IFT172: variants seen among roughly 807,000 people sequenced by gnomAD.
IFT172 encodes intraflagellar transport protein 172 homolog.
In IFT172, 164 loss-of-function variants were observed where a neutral mutation model predicts 248.9. The ratio of observed to expected loss-of-function variants is 0.66; its 90% CI spans 0.58 to 0.75. The LOEUF is 0.75. Ranked by LOEUF, IFT172 falls within the 30% of genes least tolerant of loss-of-function variation. The pLI is 0.00. For missense variants in IFT172, 1,950 were observed against 2,192.4 expected (o/e 0.89, Z 2.21); for synonymous variants, 729 against 791.6 (o/e 0.92, Z 1.33).
chr2:27,453,637 C>A lies in IFT172; in HGVS notation c.3814G>T (p.Gly1272Trp), dbSNP rs1048883218. The change falls in exon 34 of 48, where the codon GGG (glycine) becomes TGG (tryptophan). Residue 1272 changes from glycine to tryptophan, a missense_variant. Transcript: ENST00000260570. ...GGACCTCTGGCCTCATACCTGGCCC[C>A]CTTCTTAGTAGCTTCCCGCTCATAT... ...EEYEREATKK[G>W]ARGVEGFVEQ... 2 of 1,611,310 alleles carry A rather than the reference C, an allele frequency of 1.2e-6. No homozygotes were observed. Among genetic ancestry groups the A allele is most frequent in the African/African-American group, 1.3e-5 (1 of 74,792 alleles).
intron 9 of IFT172, among the ~76,000 whole-genome samples, 183 bp downstream of exon 9, chr2:27,479,843 C>A (rs936684553): frequency 6.6e-6 from 1 of 152,150 alleles, no homozygotes; most frequent in Non-Finnish European, 1.5e-5. Context: ...TTTTTTGTCC[C>A]TTTTGTGACC....
At chr2:27,453,109 A>T in intron 35 of IFT172, 1 of 537,122 alleles carries the variant, frequency 1.9e-6, no homozygotes, top group South Asian at 1.6e-5. Context: ...TCTACTTTAA[A>T]TCATGCACTT....
At chr2:27,484,946 T>C in intron 3 of IFT172, 72 bp downstream of exon 3, 1 of 879,248 alleles carries the variant, frequency 1.1e-6, no homozygotes, top group Non-Finnish European at 1.9e-6. Flanking sequence ...GTATTTCCCC[T>C]CCCCAGTGAG....
Position 27,448,971 on chromosome 2 carries a change from T to C in IFT172, c.4372A>G (p.Ser1458Gly), listed in dbSNP as rs1390620197. 8 of 1,612,542 alleles carry C rather than the reference T, an allele frequency of 5.0e-6. No individual in the cohort carries two copies. Among genetic ancestry groups the C allele is most frequent in the Non-Finnish European group, 2.5e-6 (3 of 1,178,636 alleles). Residue 1458 changes from serine to glycine, a missense_variant, in exon 40 of 48, where the codon AGC becomes GGC. Ser to Gly is a moderately conservative substitution (Grantham distance 56). Coordinates refer to ENST00000260570, the MANE Select transcript of IFT172 (RefSeq NM_015662.3). ...LYATHLIREG[S>G]SAQALALYVQ... Reference sequence around the variant, plus strand: ...TACAGGGCCAATGCCTGGGCAGAGCTACCCTCCCGGATCAAGTGAGTTGCA... The same window carrying C: ...TACAGGGCCAATGCCTGGGCAGAGCCACCCTCCCGGATCAAGTGAGTTGCA...
intron 1 of IFT172, among the ~76,000 whole-genome samples, chr2:27,488,084 G>A (rs1558421420): frequency 2.0e-5 from 3 of 152,078 alleles, no homozygotes; most frequent in Non-Finnish European, 4.4e-5. Context: ...CTGGGCTCAG[G>A]AGATCCTCCC....
rs953899799 is a variant in IFT172, at chr2:27,459,526, G to A, written c.2643-4C>T. The A allele has an allele frequency of 3.1e-6, 5 of 1,613,828 alleles. No homozygotes were observed. Among genetic ancestry groups the A allele is most frequent in the African/African-American group, 1.3e-5 (1 of 74,920 alleles). On this transcript the variant is annotated splice_region_variant and splice_polypyrimidine_tract_variant and intron_variant, in intron 24 of 47. Transcript: ENST00000260570. ...CTCAATTGCCTTAATGGAGCACCTGGCAAAGTTGGGAAAGATATAAATATG... is the reference window on the plus strand; with the variant it reads ...CTCAATTGCCTTAATGGAGCACCTGACAAAGTTGGGAAAGATATAAATATG...
rs1377410856 is a variant in IFT172 at position 27,481,331 on chromosome 2, C to T, written c.571-71G>A. On this transcript the variant is annotated intron_variant, in intron 7 of 47. Transcript: ENST00000260570. ...CCGAGAAATTCCTCACTCTCAACAC[C>T]TGGTACATTCACTCTGACCATCATA... The T allele has an allele frequency of 5.4e-6, 6 of 1,120,322 alleles. No homozygotes were observed. In the African/African-American group the frequency reaches 9.3e-5, roughly 17 times the overall value. 69.4% of individuals were successfully genotyped at this position (1,120,322 alleles called of 1,614,324 possible). A position where few individuals can be genotyped will look rare whatever the true frequency, so the allele number is the denominator to read the frequency against.
rs558319800 is a variant in IFT172 at position 27,488,247 on chromosome 2, G to A, written c.39+1368C>T. On this transcript the variant is annotated intron_variant, in intron 1 of 47. Transcript: ENST00000260570. Reference sequence around the variant, plus strand: ...CGGCTCACTGCAACCTCCACCTCCCGGGTTCAAGCGATTCTCCTTCCTCAG... The same window carrying A: ...CGGCTCACTGCAACCTCCACCTCCCAGGTTCAAGCGATTCTCCTTCCTCAG... Among the ~76,000 whole-genome samples the A allele has an allele frequency of 4.6e-5, 7 of 152,088 alleles. No individual in the cohort carries two copies. In the Middle Eastern group the frequency reaches 0.01, roughly 222 times the overall value.
intron 7 of IFT172, 53 bp downstream of exon 7, chr2:27,483,236 C>A (rs1668512800): frequency 9.6e-7 from 1 of 1,045,738 alleles, no homozygotes. Context: ...ATGCTGGTCT[C>A]AAACTCCTGG....
rs748923336 is a variant in IFT172 at position 27,483,262 on chromosome 2, G to A, written c.570+27C>T. On this transcript the variant is annotated intron_variant, in intron 7 of 47. Transcript: ENST00000260570. The stretch of plus-strand genomic sequence containing the variant: ...AAACTCCTGGACTCAAGCAATCCAA[G>A]CCTCCCACAACATTCTTTATTCATA... 8.4e-6 allele frequency: 11 copies of A among 1,316,308 alleles called. No homozygotes were observed. In the African/African-American group the frequency reaches 1.3e-4, roughly 16 times the overall value. 81.5% of individuals were successfully genotyped at this position (1,316,308 alleles called of 1,614,324 possible). A position where few individuals can be genotyped will look rare whatever the true frequency, so the allele number is the denominator to read the frequency against.
At chr2:27,462,628 T>C (rs540312015) in intron 20 of IFT172, 73 bp downstream of exon 20, 25 of 1,363,292 alleles carry the variant, frequency 1.8e-5, no homozygotes, top group Non-Finnish European at 2.6e-5. Flanking sequence ...CTTTCCTCCC[T>C]TGAGTTTGTA....
At chr2:27,449,824 G>C in intron 36 of IFT172, 24 bp from the exon 37 acceptor site, 3 of 1,564,192 alleles carry the variant, frequency 1.9e-6, no homozygotes, top group Non-Finnish European at 2.6e-6. Context: ...AATCAGCGTG[G>C]AGACTTTCTC....
intron 35 of IFT172, 136 bp from the exon 36 acceptor site, chr2:27,450,232 C>A: frequency 3.1e-6 from 2 of 638,298 alleles, no homozygotes; most frequent in Non-Finnish European, 2.8e-6. Flanking sequence ...CTTGCACCCT[C>A]CTGGGCAAAA....
chr2:27,485,868 A>G lies in IFT172; in HGVS notation c.40-365T>C, dbSNP rs558873271. On this transcript the variant is annotated intron_variant, in intron 1 of 47. Transcript: ENST00000260570. ...TCAATTAATATTTTTTTAGCACCTT[A>G]TTGATCAAGGCACTTGGCCAGGGGC... Among the ~76,000 whole-genome samples, 420 of 152,338 alleles carry G rather than the reference A, an allele frequency of 2.8e-3. 3 individuals are homozygous for G. The highest frequency in any genetic ancestry group is 4.5e-3 in the Non-Finnish European group (309 of 68,026).
intron 7 of IFT172, among the ~76,000 whole-genome samples, chr2:27,482,673 CA>C (rs577310321): frequency 2.5e-3 from 376 of 152,306 alleles, no homozygotes; most frequent in Non-Finnish European, 4.2e-3. Flanking sequence ...TTCCCCTTTC[CA>C]GAGTAAACTA....
At position 27,449,008 on chromosome 2, in the gene IFT172, A is replaced by G. The variant is rs773183982; in HGVS notation, c.4335T>C (p.Tyr1445=). 6.2e-6 allele frequency: 10 copies of G among 1,606,760 alleles called. No homozygotes were observed. The highest frequency in any genetic ancestry group is 7.7e-6 in the Non-Finnish European group (9 of 1,173,376). ...TCAAGTGAGTTGCATACAAAGCCACATACTTGTGCAGAATCTTGTAGTTCT... is the reference window on the plus strand; with the variant it reads ...TCAAGTGAGTTGCATACAAAGCCACGTACTTGTGCAGAATCTTGTAGTTCT... ...TKQNYKILHK[Y]VALYATHLIR... The change falls in exon 40 of 48, where the codon TAT becomes TAC. Residue 1445 remains tyrosine (Y), a synonymous_variant. Coordinates refer to ENST00000260570, the MANE Select transcript of IFT172 (RefSeq NM_015662.3).
rs138264780 is a variant in IFT172, at chr2:27,448,919, G to C, written c.4424C>G (p.Pro1475Arg). Reference sequence around the variant, plus strand: ...ACCCAAGGAGAAGGCTGGTACCTGTGGGTTAGCAGGGGCTCCGTGCTGTAC... The same window carrying C: ...ACCCAAGGAGAAGGCTGGTACCTGTCGGTTAGCAGGGGCTCCGTGCTGTAC... Reference protein sequence around the residue: ...LYVQHGAPANPQNFNIYKRIF... With the variant: ...LYVQHGAPANRQNFNIYKRIF... Residue 1475 changes from proline to arginine, a missense_variant, in exon 40 of 48, where the codon CCA (proline) becomes CGA (arginine). Around this residue, in one of 3 missense-constraint regions of IFT172, gnomAD observed 620 missense variants for 699.0 expected, o/e 0.89. Coordinates refer to ENST00000260570, the MANE Select transcript of IFT172 (RefSeq NM_015662.3). The C allele has an allele frequency of 9.3e-6, 14 of 1,508,916 alleles. No homozygotes were observed. Among genetic ancestry groups the C allele is most frequent in the Non-Finnish European group, 1.1e-5 (12 of 1,083,796 alleles). 93.5% of individuals were successfully genotyped at this position (1,508,916 alleles called of 1,614,324 possible).
chr2:27,481,911 C>T (rs939581199), intron 7 of IFT172, among the ~76,000 whole-genome samples: 3 of 152,018 alleles, frequency 2.0e-5, no homozygotes, highest in African/African-American at 7.2e-5. Flanking sequence ...TTAACCAACA[C>T]CGTCTGGGCC....
At chr2:27,444,632 T>C in intron 47 of IFT172, 111 bp from the exon 48 acceptor site, 2 of 804,810 alleles carry the variant, frequency 2.5e-6, no homozygotes, top group South Asian at 3.0e-5. Context: ...CCCACCCATC[T>C]TTCTAGTGTG....
Sources: gnomAD v4.1 joint callset for allele counts (sites outside exome capture counted in the v4.1 genomes callset) on GRCh38, gnomAD v4.1.1 for gene constraint, gnomAD v4.1.1 regional missense constraint, MANE v1.5 for transcripts, NCBI Gene and HGNC (gene_info 2026-07-23, HGNC 2026-07-21) for gene names.